Variants in DOP1A observed in about 807,000 individuals in gnomAD.
DOP1A encodes the protein protein DOP1A.
Under a neutral mutation model 267.6 loss-of-function variants are expected in DOP1A, and 90 were observed. The observed-to-expected ratio is 0.34, with a 90% CI of 0.28 to 0.40. The LOEUF (loss-of-function observed/expected upper bound fraction) is 0.40, where lower values mean the gene tolerates loss of function less well. Among genes scored for constraint, DOP1A ranks in the 10% least tolerant of loss-of-function variants. The pLI is 1.00. For missense variants in DOP1A, 2,437 were observed against 2,900.4 expected (o/e 0.84, Z 3.67); for synonymous variants, 932 against 999.1 (o/e 0.93, Z 1.27).
chr6:83,122,658 T>C (rs1158459064), intron 11 of DOP1A, among the ~76,000 whole-genome samples: 1 of 151,972 alleles, frequency 6.6e-6, no homozygotes, highest in African/African-American at 2.4e-5. Context: ...ATCTTGATGT[T>C]TGACAAAAAT....
At chr6:83,114,003 A>G (rs1482244821) in intron 7 of DOP1A, among the ~76,000 whole-genome samples, 1 of 152,200 alleles carries the variant, frequency 6.6e-6, no homozygotes, top group Non-Finnish European at 1.5e-5. Context: ...GCACCAGTAT[A>G]TAGGCATTCA....
At chr6:83,124,894 C>A in intron 13 of DOP1A, 75 bp downstream of exon 13, 1 of 1,167,700 alleles carries the variant, frequency 8.6e-7, no homozygotes, top group Non-Finnish European at 1.2e-6. Context: ...GTAGGCAAGC[C>A]TTCAGATACA....
At chr6:83,104,995 A>G (rs535447909) in intron 4 of DOP1A, among the ~76,000 whole-genome samples, 1 of 152,214 alleles carries the variant, frequency 6.6e-6, no homozygotes, top group African/African-American at 2.4e-5. Flanking sequence ...GAACCTGTCT[A>G]TGCTCCACTC....
chr6:83,170,799 C>T (rs372580770), downstream of DOP1A: 27 of 191,918 alleles, frequency 1.4e-4, no homozygotes, highest in East Asian at 1.8e-3. Context: ...ATAAGAAGAC[C>T]GATAAGAATT....
chr6:83,165,674 A>G (rs1369591818), intron 38 of DOP1A: 2 of 211,012 alleles, frequency 9.5e-6, no homozygotes, highest in South Asian at 7.4e-5. Flanking sequence ...TGAGATGCCT[A>G]AAGAAGTGGT....
downstream of DOP1A, chr6:83,169,262 A>C: frequency 6.2e-7 from 1 of 1,614,098 alleles, no homozygotes; most frequent in Non-Finnish European, 8.5e-7. Context: ...CCTTTCTCCA[A>C]TTCCTCCAGC....
chr6:83,101,609 C>G (rs917343853), intron 4 of DOP1A, among the ~76,000 whole-genome samples: 2 of 152,174 alleles, frequency 1.3e-5, no homozygotes, highest in Admixed American at 6.5e-5. Flanking sequence ...TTCTCAGTCT[C>G]CTTTACAAGT....
chr6:83,151,458 G>C (rs1239274028), intron 27 of DOP1A, 135 bp from the exon 28 acceptor site: 1 of 563,062 alleles, frequency 1.8e-6, no homozygotes, highest in East Asian at 3.1e-5. Context: ...TGAGTCATAG[G>C]ATATGTATAT....
chr6:83,163,125 G>A (rs902780309), intron 38 of DOP1A, among the ~76,000 whole-genome samples: 10 of 152,002 alleles, frequency 6.6e-5, no homozygotes, highest in Admixed American at 1.3e-4. Flanking sequence ...AGGAATATGC[G>A]GTTATTCATT....
At chr6:83,164,632 CTG>C (rs1298203128) in intron 38 of DOP1A, 3 of 1,555,290 alleles carry the variant, frequency 1.9e-6, no homozygotes, top group African/African-American at 2.7e-5. Context: ...GGAACAAAGG[CTG>C]TGAGTTCTCC....
At chr6:83,124,603 G>A in intron 12 of DOP1A, 102 bp from the exon 13 acceptor site, 1 of 849,784 alleles carries the variant, frequency 1.2e-6, no homozygotes, top group Non-Finnish European at 2.0e-6. Context: ...TACTGTGTGT[G>A]ACCCAATATT....
chr6:83,133,298 C>G (rs1778356715), intron 18 of DOP1A, among the ~76,000 whole-genome samples: 1 of 151,822 alleles, frequency 6.6e-6, no homozygotes, highest in Admixed American at 6.6e-5. Context: ...AAGAAATACT[C>G]CCAAGTTCTA....
Position 83,147,241 on chromosome 6 carries a change from T to C in DOP1A, c.5682T>C (p.His1894=), listed in dbSNP as rs1039665527. ...TTGATTTCTTTTATTTATAGAAACA[T>C]CTTTCTTTGGAAGTCTGCATGCTTC... ...QPPAIAKDKK[H]LSLEVCMLQF... is the part of the protein sequence containing the mutation. Residue 1894 remains histidine, a synonymous_variant, in exon 26 of 39, where the codon CAT becomes CAC. Transcript: ENST00000349129. 1.4e-6 allele frequency: 2 copies of C among 1,466,152 alleles called. No homozygotes were observed. Among genetic ancestry groups the C allele is most frequent in the Middle Eastern group, 1.8e-4 (1 of 5,576 alleles). The allele number at this position is 1,466,152 out of a possible 1,614,324, so 90.8% of individuals were successfully genotyped here.
chr6:83,161,696 A>C (rs1784271938), intron 37 of DOP1A, among the ~76,000 whole-genome samples: 1 of 152,168 alleles, frequency 6.6e-6, no homozygotes, highest in African/African-American at 2.4e-5. Context: ...CTTTCCTTTT[A>C]CTTTTAGTAA....
rs574583134 is a variant in DOP1A at position 83,138,126 on chromosome 6, A to T, written c.4084A>T (p.Ile1362Phe). Residue 1362 changes from isoleucine (I) to phenylalanine (F), a missense_variant, in exon 21 of 39, where the codon ATT (isoleucine) becomes TTT (phenylalanine). By Grantham distance (21) the Ile-to-Phe change is conservative. Coordinates refer to ENST00000349129, the MANE Select transcript of DOP1A (RefSeq NM_015018.4). ...PGSRKSPNFN[I>F]HPLYQHVLLY... ...ATCTCGAAAATCTCCCAATTTCAAC[A>T]TTCATCCTCTCTATCAACATGTGCT... 7.8e-5 allele frequency: 126 copies of T among 1,613,944 alleles called. 1 individual carries two copies. The South Asian group carries it at 1.3e-3, about 17-fold the overall frequency.
intron 1 of DOP1A, among the ~76,000 whole-genome samples, chr6:83,082,556 T>C (rs1196944165): frequency 6.6e-6 from 1 of 152,136 alleles, no homozygotes; most frequent in African/African-American, 2.4e-5. Flanking sequence ...AAAGGATATA[T>C]AGTTAGGAGG....
downstream of DOP1A, chr6:83,170,671 C>A: frequency 1.9e-6 from 1 of 528,964 alleles, no homozygotes; most frequent in Non-Finnish European, 3.3e-6. Flanking sequence ...AAAGAATTAC[C>A]TTTGGCAAAA....
intron 20 of DOP1A, 77 bp from the exon 21 acceptor site, chr6:83,137,096 C>A: frequency 7.9e-7 from 1 of 1,261,644 alleles, no homozygotes; most frequent in Non-Finnish European, 1.0e-6. Flanking sequence ...AAATTTTGAT[C>A]AGTCTACATT....
chr6:83,146,652 T>G (rs553465494), intron 25 of DOP1A, among the ~76,000 whole-genome samples: 1 of 152,274 alleles, frequency 6.6e-6, no homozygotes, highest in East Asian at 1.9e-4. Flanking sequence ...AGGAAATAGT[T>G]GGGACTAAAA....
Sources: gnomAD v4.1 joint callset for allele counts (sites outside exome capture counted in the v4.1 genomes callset) on GRCh38, gnomAD v4.1.1 for gene constraint, MANE v1.5 for transcripts, NCBI Gene and HGNC (gene_info 2026-07-23, HGNC 2026-07-21) for gene names.